The following LRP1B variants were observed in gnomAD, a reference collection of about 807,000 sequenced individuals.
The protein encoded by LRP1B is LDL receptor related protein 1B, also known as low-density lipoprotein receptor-related protein 1B.
A neutral mutation model predicts 556.6 loss-of-function variants in LRP1B; 217 were observed. The observed-to-expected ratio is 0.39, with a 90% CI of 0.35 to 0.44. The LOEUF (loss-of-function observed/expected upper bound fraction) is 0.44. Ranked by LOEUF, LRP1B falls within the 20% of genes least tolerant of loss-of-function variation. The pLI is 1.00. For missense variants in LRP1B, 5,053 were observed against 5,620.8 expected, an observed-to-expected ratio of 0.90 and a Z score of 3.23; for synonymous variants, 2,047 against 1,865.8, an observed-to-expected ratio of 1.10 and a Z score of -2.50.
chr2:140,811,998 A>C (rs1303188241), intron 32 of LRP1B, among the ~76,000 whole-genome samples: 2 of 152,134 alleles, frequency 1.3e-5, no homozygotes, highest in Non-Finnish European at 2.9e-5. Context: ...TCTCATCTGA[A>C]GAAAAACTAT....
At chr2:141,449,386 GA>G (rs1681323153) in intron 3 of LRP1B, among the ~76,000 whole-genome samples, 2 of 152,034 alleles carry the variant, frequency 1.3e-5, no homozygotes, top group South Asian at 2.1e-4. Flanking sequence ...TTTACTGTAA[GA>G]AAAAAATTTC....
intron 32 of LRP1B, among the ~76,000 whole-genome samples, chr2:140,806,985 G>A (rs1690741150): frequency 6.6e-6 from 1 of 152,114 alleles, no homozygotes; most frequent in Admixed American, 6.5e-5. Context: ...ATATGCAGAA[G>A]GGAAAGAAAT....
chr2:141,440,183 T>C (rs1383043700), intron 3 of LRP1B, among the ~76,000 whole-genome samples: 2 of 152,172 alleles, frequency 1.3e-5, no homozygotes, highest in South Asian at 2.1e-4. Context: ...GACTAAGTGG[T>C]TTGAGCAAAG....
intron 7 of LRP1B, among the ~76,000 whole-genome samples, chr2:141,127,324 A>T (rs556681649): frequency 6.6e-6 from 1 of 152,312 alleles, no homozygotes; most frequent in South Asian, 2.1e-4. Context: ...TATGGAAGAC[A>T]GTGTAGTGAC....
chr2:140,329,255 A>G (rs1451707218), intron 79 of LRP1B, among the ~76,000 whole-genome samples: 1 of 152,056 alleles, frequency 6.6e-6, no homozygotes, highest in African/African-American at 2.4e-5. Context: ...ACCTCAAAAT[A>G]ATAACCATTT....
At chr2:140,373,463 T>C (rs1208945117) in intron 68 of LRP1B, among the ~76,000 whole-genome samples, 1 of 152,086 alleles carries the variant, frequency 6.6e-6, no homozygotes, top group Non-Finnish European at 1.5e-5. Flanking sequence ...CATTTGTCCC[T>C]GTGAGTCATA....
chr2:140,847,121 C>A (rs192165319), intron 29 of LRP1B, among the ~76,000 whole-genome samples: 1 of 152,246 alleles, frequency 6.6e-6, no homozygotes, highest in African/African-American at 2.4e-5. Context: ...TTTTCCCCAG[C>A]CTAGTCTAGG....
chr2:140,297,821 G>A lies in LRP1B; in HGVS notation c.12954C>T (p.Asp4318=), dbSNP rs2105000461. The change falls in exon 84 of 91, where the codon GAC becomes GAT. Residue 4318 remains aspartate (D), a synonymous_variant. Coordinates refer to ENST00000389484, the MANE Select transcript of LRP1B (RefSeq NM_018557.3). ...YCHCQPEYTG[D]RCQYYVCHHY... is the part of the protein sequence containing the mutation. The stretch of plus-strand genomic sequence containing the variant: ...GCTTTTACTTACAGTACTGACATCT[G>A]TCTCCGGTGTATTCCGGCTGGCAGT... 6.2e-7 allele frequency: 1 copy of A among 1,613,366 alleles called. No homozygotes were observed. The highest frequency in any genetic ancestry group is 8.5e-7 in the Non-Finnish European group (1 of 1,179,748).
At chr2:142,090,075 A>T (rs1559065697) in intron 1 of LRP1B, among the ~76,000 whole-genome samples, 1 of 152,116 alleles carries the variant, frequency 6.6e-6, no homozygotes, top group Non-Finnish European at 1.5e-5. Context: ...CATTTTAACA[A>T]TTTCTCTTTT....
At chr2:141,779,679 TA>T (rs1368386890) in intron 2 of LRP1B, among the ~76,000 whole-genome samples, 1 of 152,146 alleles carries the variant, frequency 6.6e-6, no homozygotes, top group East Asian at 1.9e-4. Flanking sequence ...ACTTTTCATA[TA>T]TCCTTTTATT....
At chr2:140,946,455 C>G (rs1240200468) in intron 20 of LRP1B, among the ~76,000 whole-genome samples, 1 of 151,946 alleles carries the variant, frequency 6.6e-6, no homozygotes, top group Non-Finnish European at 1.5e-5. Flanking sequence ...TGAAAATTAG[C>G]TGGGTATGGT....
At chr2:142,121,946 G>C (rs977983437) in intron 1 of LRP1B, among the ~76,000 whole-genome samples, 1 of 152,066 alleles carries the variant, frequency 6.6e-6, no homozygotes. Flanking sequence ...AAAATGTAAA[G>C]AGCTTCTTGC....
intron 1 of LRP1B, among the ~76,000 whole-genome samples, chr2:142,129,267 T>A (rs2105025493): frequency 6.6e-6 from 1 of 152,324 alleles, no homozygotes; most frequent in Non-Finnish European, 1.5e-5. Flanking sequence ...GTTGAGCAAG[T>A]TCAGAAGCTA....
intron 43 of LRP1B, among the ~76,000 whole-genome samples, chr2:140,571,129 T>C (rs1681306773): frequency 6.6e-6 from 1 of 151,772 alleles, no homozygotes; most frequent in African/African-American, 2.4e-5. Context: ...CTCATCACTA[T>C]CACTCAACAT....
intron 1 of LRP1B, among the ~76,000 whole-genome samples, chr2:141,811,929 G>A (rs575402217): frequency 6.6e-5 from 10 of 152,162 alleles, no homozygotes; most frequent in African/African-American, 1.7e-4. Flanking sequence ...AAATAGTTTT[G>A]GGATGTCTGT....
At chr2:140,696,563 A>T (rs567206105) in intron 41 of LRP1B, among the ~76,000 whole-genome samples, 5 of 152,270 alleles carry the variant, frequency 3.3e-5, no homozygotes, top group African/African-American at 9.6e-5. Flanking sequence ...GAGGTTGCCA[A>T]CCCCTGGACC....
At chr2:141,166,273 C>T (rs969369147) in intron 7 of LRP1B, among the ~76,000 whole-genome samples, 2 of 151,888 alleles carry the variant, frequency 1.3e-5, no homozygotes, top group Admixed American at 1.3e-4. Context: ...TTCTCACTTT[C>T]CTTCCCATCG....
chr2:140,384,364 C>T (rs546034163), intron 67 of LRP1B, among the ~76,000 whole-genome samples: 1 of 152,180 alleles, frequency 6.6e-6, no homozygotes, highest in African/African-American at 2.4e-5. Flanking sequence ...GCTTCTATCC[C>T]TACCAGCTCC....
chr2:140,515,415 C>A (rs546129996), intron 50 of LRP1B, among the ~76,000 whole-genome samples: 1 of 151,908 alleles, frequency 6.6e-6, no homozygotes, highest in Non-Finnish European at 1.5e-5. Flanking sequence ...TAATAACACA[C>A]TCCATTTATT....
Sources: allele counts gnomAD v4.1 joint callset (sites outside exome capture counted in the v4.1 genomes callset), GRCh38; gene constraint gnomAD v4.1.1; transcripts MANE v1.5; gene names NCBI Gene and HGNC (gene_info 2026-07-23, HGNC 2026-07-21).